Variants in RPH3A observed in about 807,000 individuals in gnomAD.
RPH3A encodes rabphilin-3A.
RPH3A carries 48 observed loss-of-function variants against 102.2 expected under a neutral mutation model. The ratio of observed to expected loss-of-function variants is 0.47; its 90% confidence interval spans 0.37 to 0.60. RPH3A has a LOEUF of 0.60. RPH3A is among the 20% of genes least tolerant of loss of function. The pLI, the probability that RPH3A is intolerant of heterozygous loss-of-function variation, is 0.00. For synonymous variants in RPH3A, 310 were observed against 324.3 expected, an observed-to-expected ratio of 0.96 and a Z score of 0.47; for missense variants, 781 against 910.1, an observed-to-expected ratio of 0.86 and a Z score of 1.83.
intron 1 of RPH3A, among the ~76,000 whole-genome samples, chr12:112,763,852 G>A (rs2040870900): frequency 6.6e-6 from 1 of 152,126 alleles, no homozygotes; most frequent in African/African-American, 2.4e-5. Flanking sequence ...GTGGTTGAGG[G>A]GCTTCGGATT....
At chr12:112,741,623 GGA>G (rs959351341) in intron 1 of RPH3A, among the ~76,000 whole-genome samples, 22 of 152,190 alleles carry the variant, frequency 1.4e-4, no homozygotes, top group Non-Finnish European at 2.2e-4. Context: ...TCAGAAAGTT[GGA>G]GAGAGAGAGC....
intron 1 of RPH3A, among the ~76,000 whole-genome samples, chr12:112,647,787 G>A (rs1279030161): frequency 1.3e-5 from 2 of 152,204 alleles, no homozygotes; most frequent in Non-Finnish European, 2.9e-5. Context: ...GGCAGTGAAC[G>A]GTTTGAGGAA....
At chr12:112,795,621 T>C (rs1056052760) in intron 2 of RPH3A, among the ~76,000 whole-genome samples, 2 of 152,158 alleles carry the variant, frequency 1.3e-5, no homozygotes. Context: ...ACAAGGCCCT[T>C]AATCTCTCTG....
chr12:112,861,477 T>C lies in RPH3A; in HGVS notation c.231-3937T>C, dbSNP rs2042511982. ...GCAGGGAAATCGAGCAGGGTGGAGG[T>C]TGGCCTGTTCAAGGCGATCCCCGTG... is the stretch of plus-strand genomic sequence containing the variant. On this transcript the variant is annotated intron_variant, in intron 5 of 21. Coordinates refer to ENST00000389385, the MANE Select transcript of RPH3A (RefSeq NM_001143854.2). Among the ~76,000 whole-genome samples, 6 of 151,832 alleles carry C rather than the reference T, an allele frequency of 4.0e-5. No individual in the cohort carries two copies. In the South Asian group the frequency reaches 1.2e-3, roughly 32 times the overall value.
chr12:112,877,850 T>G (rs1322505779), intron 13 of RPH3A, among the ~76,000 whole-genome samples: 2 of 152,186 alleles, frequency 1.3e-5, no homozygotes, highest in Non-Finnish European at 2.9e-5. Flanking sequence ...AGTCCACACG[T>G]GTTGGGCACT....
intron 1 of RPH3A, among the ~76,000 whole-genome samples, chr12:112,667,662 A>AGGAG (rs2040094931): frequency 1.4e-5 from 1 of 72,774 alleles, no homozygotes; most frequent in African/African-American, 4.9e-5. Context: ...GAGATGAATA[A>AGGAG]AGAGAGAGAG....
intron 1 of RPH3A, among the ~76,000 whole-genome samples, chr12:112,726,570 C>T (rs2040592231): frequency 6.6e-6 from 1 of 152,102 alleles, no homozygotes; most frequent in Admixed American, 6.5e-5. Context: ...CTACAGGGAA[C>T]CCCCAAATAC....
upstream of RPH3A, among the ~76,000 whole-genome samples, chr12:112,789,241 T>C (rs1186257497): frequency 6.6e-6 from 1 of 152,228 alleles, no homozygotes; most frequent in African/African-American, 2.4e-5. Context: ...TCCTGGCATC[T>C]GAAAGGCTTG....
chr12:112,717,274 G>T (rs1322551650), intron 1 of RPH3A, among the ~76,000 whole-genome samples: 4 of 152,020 alleles, frequency 2.6e-5, no homozygotes, highest in Non-Finnish European at 5.9e-5. Context: ...TCAAGATACA[G>T]AACCACCACC....
chr12:112,768,685 G>A (rs1319096190), intron 1 of RPH3A, among the ~76,000 whole-genome samples: 1 of 152,164 alleles, frequency 6.6e-6, no homozygotes, highest in African/African-American at 2.4e-5. Context: ...GGCTGAAGTG[G>A]GAGGACTGCT....
At chr12:112,861,967 C>T (rs961980905) in intron 5 of RPH3A, among the ~76,000 whole-genome samples, 1 of 140,308 alleles carries the variant, frequency 7.1e-6, no homozygotes, top group African/African-American at 2.7e-5. Context: ...TAGCCGAGAT[C>T]GCACCACTGC....
intron 1 of RPH3A, among the ~76,000 whole-genome samples, chr12:112,746,873 C>T (rs1403884230): frequency 1.3e-5 from 2 of 152,130 alleles, no homozygotes; most frequent in Admixed American, 6.5e-5. Flanking sequence ...CCCAGCCTCC[C>T]GTTCTGTGTC....
At chr12:112,580,570 AT>A (rs992693737) in intron 1 of RPH3A, among the ~76,000 whole-genome samples, 6 of 149,852 alleles carry the variant, frequency 4.0e-5, no homozygotes, top group East Asian at 2.0e-4. Flanking sequence ...CGCCCGGCTA[AT>A]TTTTTTTTGT....
chr12:112,780,621 A>G (rs1031077319), intron 1 of RPH3A, among the ~76,000 whole-genome samples: 4 of 152,078 alleles, frequency 2.6e-5, no homozygotes, highest in Admixed American at 2.6e-4. Context: ...AACACATGCT[A>G]TTTGCTGAGC....
In RPH3A at chr12:112,644,937, C is replaced by A. The variant is rs551080882; in HGVS notation, c.-140+69618C>A. ...GCAGAATCATGCCCTGGGGAGAGAC[C>A]AAGCTTTGATCACATCATTTGAGTG... On this transcript the variant is annotated intron_variant, in intron 1 of 21. Transcript: ENST00000543106. Among the ~76,000 whole-genome samples the A allele has an allele frequency of 5.6e-4, 86 of 152,276 alleles. 1 individual carries two copies. Among genetic ancestry groups the A allele is most frequent in the African/African-American group, 2.0e-3 (83 of 41,552 alleles).
At chr12:112,696,906 T>C (rs1443912498) in intron 1 of RPH3A, among the ~76,000 whole-genome samples, 2 of 151,756 alleles carry the variant, frequency 1.3e-5, no homozygotes, top group African/African-American at 4.8e-5. Context: ...CTTGTTTTCT[T>C]TTTTCTTTCT....
chr12:112,847,286 T>C (rs941405272), intron 4 of RPH3A, among the ~76,000 whole-genome samples: 3 of 152,172 alleles, frequency 2.0e-5, no homozygotes, highest in African/African-American at 7.2e-5. Context: ...TGGCAACCAG[T>C]TTAAACTTAT....
At chr12:112,614,688 CAAAAAAAA>C (rs35810360) in intron 1 of RPH3A, among the ~76,000 whole-genome samples, 210 of 27,122 alleles carry the variant, frequency 7.7e-3, no homozygotes, top group African/African-American at 0.013. Context: ...GACCCTGCCT[CAAAAAAAA>C]AAAAAAAAAA....
intron 1 of RPH3A, among the ~76,000 whole-genome samples, chr12:112,744,931 A>T (rs980515753): frequency 5.3e-5 from 8 of 152,214 alleles, no homozygotes; most frequent in African/African-American, 1.9e-4. Flanking sequence ...AAAAGCAGGG[A>T]ATTTACCATC....
Sources: gnomAD v4.1 joint callset for allele counts (sites outside exome capture counted in the v4.1 genomes callset) on GRCh38, gnomAD v4.1.1 for gene constraint, MANE v1.5 for transcripts, NCBI Gene and HGNC (gene_info 2026-07-23, HGNC 2026-07-21) for gene names.